Variants in HMBOX1 observed in about 807,000 individuals in gnomAD.
The protein encoded by HMBOX1 is homeobox-containing protein 1.
A neutral mutation model predicts 54.5 loss-of-function variants in HMBOX1; 14 were observed. The observed-to-expected ratio is 0.26, with a 90% CI of 0.17 to 0.40. The LOEUF (loss-of-function observed/expected upper bound fraction) is 0.40, where lower values mean the gene tolerates loss of function less well. Among genes scored for constraint, HMBOX1 ranks in the 10% least tolerant of loss-of-function variants. HMBOX1 has a pLI of 1.00. For missense variants in HMBOX1, 332 were observed against 514.4 expected, an observed-to-expected ratio of 0.65 and a Z score of 3.43; for synonymous variants, 160 against 181.0, an observed-to-expected ratio of 0.88 and a Z score of 0.93.
At chr8:28,925,669 A>T (rs960470307) in intron 1 of HMBOX1, among the ~76,000 whole-genome samples, 1 of 152,278 alleles carries the variant, frequency 6.6e-6, no homozygotes, top group East Asian at 1.9e-4. Flanking sequence ...ATTATTTTAC[A>T]AGTATCCATC....
chr8:29,014,575 G>GA (rs1834716922), intron 5 of HMBOX1, among the ~76,000 whole-genome samples: 1 of 152,112 alleles, frequency 6.6e-6, no homozygotes, highest in Non-Finnish European at 1.5e-5. Context: ...AAAGGAGCCA[G>GA]AAAAAAATCT....
intron 6 of HMBOX1, among the ~76,000 whole-genome samples, chr8:29,035,664 G>A (rs969421705): frequency 6.6e-6 from 1 of 152,180 alleles, no homozygotes; most frequent in Non-Finnish European, 1.5e-5. Flanking sequence ...ACATTTGGTC[G>A]TTTCATTAGG....
At chr8:28,912,394 TCA>T (rs1035166361) in intron 1 of HMBOX1, among the ~76,000 whole-genome samples, 2 of 152,172 alleles carry the variant, frequency 1.3e-5, no homozygotes, top group Non-Finnish European at 2.9e-5. Flanking sequence ...TCCCTCAACC[TCA>T]CTTTCCCATC....
chr8:29,011,535 C>T (rs1009823581), intron 5 of HMBOX1, among the ~76,000 whole-genome samples: 5 of 152,146 alleles, frequency 3.3e-5, no homozygotes, highest in East Asian at 1.9e-4. Flanking sequence ...GCCAAATTCC[C>T]GCACTGGAGT....
At chr8:28,934,522 A>C (rs757192491) in intron 1 of HMBOX1, among the ~76,000 whole-genome samples, 1 of 152,272 alleles carries the variant, frequency 6.6e-6, no homozygotes, top group Non-Finnish European at 1.5e-5. Context: ...AGCTGTCTCT[A>C]TTCACAGACA....
chr8:28,912,956 A>G (rs926750517), intron 1 of HMBOX1, among the ~76,000 whole-genome samples: 7 of 152,324 alleles, frequency 4.6e-5, no homozygotes, highest in Non-Finnish European at 7.3e-5. Context: ...GACACCAACG[A>G]TCAAACACCT....
intron 1 of HMBOX1, chr8:28,891,857 G>A (rs1027938315): frequency 6.6e-6 from 1 of 152,198 alleles, no homozygotes; most frequent in Non-Finnish European, 1.5e-5. Context: ...GGTATAAAGT[G>A]ATTACTGTTT....
rs530780094 is a variant in HMBOX1 at position 29,042,083 on chromosome 8, C to T, written c.852-3278C>T. ...TGATTGTAAGACACACCTTAGTTGACGTACCAGTAAGGGAGACAAAACACC... is the reference window on the plus strand; with the variant it reads ...TGATTGTAAGACACACCTTAGTTGATGTACCAGTAAGGGAGACAAAACACC... On this transcript the variant is annotated intron_variant, in intron 6 of 9. Transcript: ENST00000287701. 6.6e-4 allele frequency among the ~76,000 whole-genome samples: 101 copies of T among 152,216 alleles called. 6 individuals carry two copies. In the South Asian group the frequency reaches 0.018, roughly 27 times the overall value.
chr8:29,023,453 A>G (rs960444405), intron 6 of HMBOX1, among the ~76,000 whole-genome samples: 1 of 152,056 alleles, frequency 6.6e-6, no homozygotes, highest in Non-Finnish European at 1.5e-5. Context: ...CCCAGGCTGG[A>G]GTTCAGTGGC....
chr8:28,951,874 A>G (rs1178740706), intron 1 of HMBOX1, among the ~76,000 whole-genome samples: 1 of 152,246 alleles, frequency 6.6e-6, no homozygotes, highest in Admixed American at 6.5e-5. Context: ...AGTCAAGATA[A>G]TAAGAAAACC....
chr8:28,925,447 T>C (rs535374803), intron 1 of HMBOX1, among the ~76,000 whole-genome samples: 64 of 152,364 alleles, frequency 4.2e-4, no homozygotes, highest in Non-Finnish European at 4.6e-4. Flanking sequence ...TCCTTTCTTT[T>C]GTTTATTGGC....
At chr8:29,046,542 C>T (rs1469669769) in intron 7 of HMBOX1, 1 of 152,210 alleles carries the variant, frequency 6.6e-6, no homozygotes, top group Non-Finnish European at 1.5e-5. Flanking sequence ...TAGTCCAAAC[C>T]AGTTACAGTA....
At chr8:28,960,381 T>G (rs1209799336) in intron 1 of HMBOX1, among the ~76,000 whole-genome samples, 2 of 151,952 alleles carry the variant, frequency 1.3e-5, no homozygotes, top group African/African-American at 4.8e-5. Context: ...TTTTGTACAT[T>G]TTTCCCTAGA....
rs765792470 is a variant in HMBOX1, at chr8:29,048,997, A to G, written c.1074A>G (p.Pro358=). Residue 358 remains proline (P), a synonymous_variant, in exon 9 of 10, where the codon CCA becomes CCG. Transcript: ENST00000287701. ...LESHGIDVQS[P]GGHSNSDDVD... is the part of the protein sequence containing the mutation. ...GTCATGGGATAGATGTGCAGAGTCCAGGAGGCCACTCAAACAGTGATGATG... is the reference window on the plus strand; with the variant it reads ...GTCATGGGATAGATGTGCAGAGTCCGGGAGGCCACTCAAACAGTGATGATG... The G allele has an allele frequency of 3.7e-6, 6 of 1,614,190 alleles. No homozygotes were observed. Among genetic ancestry groups the G allele is most frequent in the Admixed American group, 3.3e-5 (2 of 60,026 alleles).
At chr8:28,931,741 A>G (rs987895323) in intron 1 of HMBOX1, among the ~76,000 whole-genome samples, 8 of 152,004 alleles carry the variant, frequency 5.3e-5, no homozygotes, top group African/African-American at 1.9e-4. Flanking sequence ...GGACCTCCCT[A>G]TGTTGCCCAA....
intron 4 of HMBOX1, among the ~76,000 whole-genome samples, chr8:28,992,897 A>C (rs1381808193): frequency 7.6e-6 from 1 of 131,558 alleles, no homozygotes; most frequent in East Asian, 2.3e-4. Flanking sequence ...AAAAAAAAGG[A>C]AGAAGAGTAT....
intron 9 of HMBOX1, 53 bp downstream of exon 9, chr8:29,049,101 GTGGGACAGCTTAGTTCCT>G: frequency 3.9e-6 from 6 of 1,552,612 alleles, no homozygotes; most frequent in Non-Finnish European, 5.3e-6. Flanking sequence ...AGGGGGTATA[GTGGGACAGCTTAGTTCCT>G]TGGGTGTGGC....
chr8:29,019,391 T>C (rs1157687664), intron 6 of HMBOX1, among the ~76,000 whole-genome samples: 2 of 152,138 alleles, frequency 1.3e-5, no homozygotes, highest in African/African-American at 4.8e-5. Flanking sequence ...CAGTACCTGA[T>C]CCATAGTAGG....
chr8:28,994,468 A>G (rs1472521074), intron 4 of HMBOX1, among the ~76,000 whole-genome samples: 2 of 152,202 alleles, frequency 1.3e-5, no homozygotes, highest in African/African-American at 2.4e-5. Flanking sequence ...CAGTTTTCAT[A>G]TGGATAAAGA....
Sources: allele counts gnomAD v4.1 joint callset (sites outside exome capture counted in the v4.1 genomes callset), GRCh38; gene constraint gnomAD v4.1.1; transcripts MANE v1.5; gene names NCBI Gene and HGNC (gene_info 2026-07-23, HGNC 2026-07-21).